Variants in CHKA observed in about 807,000 individuals in gnomAD.
The protein encoded by CHKA is CHETK-alpha.
CHKA carries 34 observed loss-of-function variants against 60.1 expected under a neutral mutation model. The ratio of observed to expected loss-of-function variants is 0.57; its 90% CI spans 0.43 to 0.75. The LOEUF (loss-of-function observed/expected upper bound fraction) is 0.75. CHKA is among the 30% of genes least tolerant of loss of function. The pLI is 0.00. For synonymous variants in CHKA, 217 were observed against 223.1 expected (o/e 0.97, Z 0.24); for missense variants, 563 against 561.3 (o/e 1.00, Z -0.03).
At position 68,064,681 on chromosome 11, in the gene CHKA, T is replaced by C. The variant is rs770653056; in HGVS notation, c.1126-50A>G. On this transcript the variant is annotated intron_variant, in intron 9 of 11. Coordinates refer to ENST00000265689, the MANE Select transcript of CHKA (RefSeq NM_001277.3). ...GATCAATGATGGTTAAAATAGACAA[T>C]GTCAATAGCTGTCACTAAGCATATG... 2.9e-6 allele frequency: 3 copies of C among 1,037,646 alleles called. No individual in the cohort carries two copies. The Admixed American group carries it at 6.8e-5, about 24-fold the overall frequency. 64.3% of individuals were successfully genotyped at this position (1,037,646 alleles called of 1,614,324 possible). A position where few individuals can be genotyped will look rare whatever the true frequency, so the allele number is the denominator to read the frequency against.
At chr11:68,110,230 C>G (rs1287986818) in intron 1 of CHKA, among the ~76,000 whole-genome samples, 1 of 152,056 alleles carries the variant, frequency 6.6e-6, no homozygotes, top group Non-Finnish European at 1.5e-5. Flanking sequence ...CAATGTTCCC[C>G]CTCACCACTT....
intron 2 of CHKA, among the ~76,000 whole-genome samples, chr11:68,092,619 G>T (rs904371239): frequency 6.6e-6 from 1 of 152,066 alleles, no homozygotes; most frequent in Non-Finnish European, 1.5e-5. Flanking sequence ...GCCATCTTTT[G>T]GAGTTCTTGA....
chr11:68,077,024 G>A (rs1856815007), intron 3 of CHKA, among the ~76,000 whole-genome samples: 1 of 152,104 alleles, frequency 6.6e-6, no homozygotes, highest in South Asian at 2.1e-4. Context: ...GATCACCTGA[G>A]GTCAGGAGTT....
At chr11:68,081,511 C>A (rs1565181680) in intron 2 of CHKA, 54 bp from the exon 3 acceptor site, 1 of 1,420,106 alleles carries the variant, frequency 7.0e-7, no homozygotes, top group Admixed American at 1.7e-5. Flanking sequence ...ACTAAACAGA[C>A]ACTAACTTTG....
chr11:68,082,400 C>T (rs1857016038), intron 2 of CHKA: 1 of 152,550 alleles, frequency 6.6e-6, no homozygotes. Flanking sequence ...ACTAAGTCTG[C>T]TTAAGCCAGA....
chr11:68,079,171 T>C (rs1189367339), intron 3 of CHKA, among the ~76,000 whole-genome samples: 2 of 152,108 alleles, frequency 1.3e-5, no homozygotes, highest in Non-Finnish European at 2.9e-5. Flanking sequence ...TGACCCCAAG[T>C]GATCAGCTCA....
intron 11 of CHKA, among the ~76,000 whole-genome samples, 189 bp from the exon 12 acceptor site, chr11:68,054,236 T>C (rs1216324087): frequency 6.6e-6 from 1 of 152,138 alleles, no homozygotes; most frequent in Non-Finnish European, 1.5e-5. Context: ...CTCCTCAAGC[T>C]CCCAGCCCAC....
At chr11:68,098,314 AAATGTCATAGGAGCTGCGTGAGCTGC>A (rs958860503) in intron 1 of CHKA, among the ~76,000 whole-genome samples, 7 of 151,878 alleles carry the variant, frequency 4.6e-5, no homozygotes, top group Non-Finnish European at 8.8e-5. Flanking sequence ...GATAAAAGAA[AAATGTCATAGGAGCTGCGTGAGCTGC>A]AAAATCACCT....
At chr11:68,066,550 T>G (rs1449879883) in intron 7 of CHKA, 34 bp from the exon 8 acceptor site, 1 of 1,526,850 alleles carries the variant, frequency 6.5e-7, no homozygotes, top group African/African-American at 1.4e-5. Flanking sequence ...GTTTATGTTT[T>G]ACAATAGAAG....
chr11:68,070,605 C>T (rs974349718), intron 5 of CHKA, 119 bp downstream of exon 5: 3 of 1,070,494 alleles, frequency 2.8e-6, no homozygotes, highest in African/African-American at 3.2e-5. Context: ...AGCTGACACC[C>T]TGCACTTCAG....
chr11:68,101,448 A>G (rs780477568), intron 1 of CHKA, among the ~76,000 whole-genome samples: 2 of 152,186 alleles, frequency 1.3e-5, no homozygotes, highest in Non-Finnish European at 2.9e-5. Flanking sequence ...ATGAGAACTA[A>G]TAAGTTCAGT....
chr11:68,088,471 T>G (rs767028974), intron 2 of CHKA, among the ~76,000 whole-genome samples: 7 of 152,128 alleles, frequency 4.6e-5, no homozygotes, highest in Non-Finnish European at 1.0e-4. Context: ...GGGTGGCATC[T>G]GTTATAATCC....
intron 1 of CHKA, among the ~76,000 whole-genome samples, chr11:68,115,322 A>C (rs1223478322): frequency 6.6e-6 from 1 of 152,230 alleles, no homozygotes; most frequent in African/African-American, 2.4e-5. Flanking sequence ...TGGTGGATAC[A>C]TGTCATTATA....
intron 2 of CHKA, among the ~76,000 whole-genome samples, chr11:68,090,260 G>T (rs1203076402): frequency 1.3e-5 from 2 of 152,186 alleles, no homozygotes; most frequent in Non-Finnish European, 2.9e-5. Context: ...TTACTTCTGA[G>T]AAGGAAGTTT....
intron 3 of CHKA, among the ~76,000 whole-genome samples, chr11:68,081,197 C>T (rs1258072160): frequency 6.6e-6 from 1 of 152,212 alleles, no homozygotes; most frequent in African/African-American, 2.4e-5. Flanking sequence ...CCACAGTCTA[C>T]ACTCTCAGGA....
At chr11:68,081,341 T>C in intron 3 of CHKA, 63 bp downstream of exon 3, 1 of 1,340,298 alleles carries the variant, frequency 7.5e-7, no homozygotes, top group Non-Finnish European at 1.1e-6. Context: ...AGCCCTGGAG[T>C]AGCGAAGGGT....
chr11:68,055,643 A>G (rs1298843271), intron 11 of CHKA, among the ~76,000 whole-genome samples: 5 of 152,156 alleles, frequency 3.3e-5, no homozygotes, highest in Admixed American at 6.5e-5. Context: ...GGGTATCGCA[A>G]TGAGGCTTTG....
At chr11:68,068,202 C>T (rs897591475) in intron 7 of CHKA, among the ~76,000 whole-genome samples, 10 of 152,068 alleles carry the variant, frequency 6.6e-5, no homozygotes, top group African/African-American at 2.4e-4. Context: ...TTGCGATAAG[C>T]AACACTACGC....
intron 6 of CHKA, among the ~76,000 whole-genome samples, chr11:68,069,676 C>G (rs1856552307): frequency 6.7e-6 from 1 of 150,042 alleles, no homozygotes; most frequent in Admixed American, 6.6e-5. Context: ...AAGCGAGACT[C>G]CGTCTTATAA....
Sources: allele counts gnomAD v4.1 joint callset (sites outside exome capture counted in the v4.1 genomes callset), GRCh38; gene constraint gnomAD v4.1.1; transcripts MANE v1.5; gene names NCBI Gene and HGNC (gene_info 2026-07-23, HGNC 2026-07-21).